NIBAN1: variants seen among roughly 807,000 people sequenced by gnomAD.
The protein encoded by NIBAN1 is niban apoptosis regulator 1, also known as protein Niban 1.
NIBAN1 carries 81 observed loss-of-function variants against 75.1 expected under a neutral mutation model. The observed-to-expected ratio is 1.08, with a 90% CI of 0.90 to 1.30. The LOEUF is 1.30. Ranked by LOEUF, NIBAN1 falls within the 50% of genes most tolerant of loss-of-function variation. The pLI is 0.00. For missense variants in NIBAN1, 1,133 were observed against 1,128.1 expected, an observed-to-expected ratio of 1.00 and a Z score of -0.06; for synonymous variants, 436 against 424.8, an observed-to-expected ratio of 1.03 and a Z score of -0.32.
rs78653512 is a variant in NIBAN1, at chr1:184,820,683, A to T, written c.986-1858T>A. Among the ~76,000 whole-genome samples, 1,173 of 152,358 alleles carry T rather than the reference A, an allele frequency of 7.7e-3. 12 individuals are homozygous for T. Among genetic ancestry groups the T allele is most frequent in the East Asian group, 0.032 (167 of 5,186 alleles). ...TAAGCCTTACTGAAGTGAAGGAAGG[A>T]GCTGAACAGAGCGATGATGCCTGAA... On this transcript the variant is annotated intron_variant, in intron 8 of 13. Coordinates refer to ENST00000367511, the MANE Select transcript of NIBAN1 (RefSeq NM_052966.4).
At position 184,960,606 on chromosome 1, in the gene NIBAN1, CCAA is replaced by C. The variant is rs1371253706; in HGVS notation, c.55+13693_55+13695del. Among the ~76,000 whole-genome samples the C allele has an allele frequency of 4.1e-5, 6 of 146,326 alleles. 1 individual carries two copies. The highest frequency in any genetic ancestry group is 8.9e-5 in the Non-Finnish European group (6 of 67,182). On this transcript the variant is annotated intron_variant, in intron 1 of 13. Coordinates refer to ENST00000367511, the MANE Select transcript of NIBAN1 (RefSeq NM_052966.4). The stretch of plus-strand genomic sequence containing the variant: ...TTCTAGTGGTGGCAGACAGACAACA[CCAA>C]CAACAACAACAAAATGTTGTTGTTG...
chr1:184,923,921 C>G (rs1657620584), intron 1 of NIBAN1, among the ~76,000 whole-genome samples: 1 of 150,328 alleles, frequency 6.7e-6, no homozygotes, highest in Non-Finnish European at 1.5e-5. Flanking sequence ...GATTTTGTAT[C>G]CTGCAACTTT....
chr1:184,951,855 G>C (rs1311454137), intron 1 of NIBAN1, among the ~76,000 whole-genome samples: 2 of 152,094 alleles, frequency 1.3e-5, no homozygotes, highest in Non-Finnish European at 2.9e-5. Flanking sequence ...CACCTACCTT[G>C]CTGCCCTGTC....
intron 1 of NIBAN1, among the ~76,000 whole-genome samples, chr1:184,968,794 GTTTC>G (rs36197487): frequency 0.74 from 111,514 of 151,182 alleles, 41,870 homozygotes; most frequent in African/African-American, 0.88. Context: ...AGAGATGGAA[GTTTC>G]TTTCTTTCTT....
chr1:184,835,523 C>A (rs1014231338), intron 5 of NIBAN1, among the ~76,000 whole-genome samples: 2 of 152,132 alleles, frequency 1.3e-5, no homozygotes, highest in African/African-American at 4.8e-5. Flanking sequence ...TTTCACTGAG[C>A]AGTGGTTTGT....
chr1:184,934,635 G>A (rs779446732), intron 1 of NIBAN1, among the ~76,000 whole-genome samples: 2 of 152,118 alleles, frequency 1.3e-5, no homozygotes, highest in Admixed American at 6.5e-5. Context: ...AGTGGCTCAC[G>A]CCTGTAATCC....
intron 1 of NIBAN1, among the ~76,000 whole-genome samples, chr1:184,915,729 A>T (rs548730599): frequency 6.6e-6 from 1 of 152,394 alleles, no homozygotes; most frequent in Admixed American, 6.5e-5. Flanking sequence ...GTAACTACAC[A>T]TAAATGTAAT....
intron 6 of NIBAN1, among the ~76,000 whole-genome samples, chr1:184,829,290 A>C (rs958808582): frequency 6.6e-6 from 1 of 151,950 alleles, no homozygotes; most frequent in Non-Finnish European, 1.5e-5. Context: ...TATACCCCAC[A>C]CACATATGTG....
intron 1 of NIBAN1, among the ~76,000 whole-genome samples, chr1:184,917,085 A>G (rs760748924): frequency 2.6e-5 from 4 of 152,212 alleles, no homozygotes; most frequent in Non-Finnish European, 5.9e-5. Flanking sequence ...TCCCAGCAGT[A>G]CAGAAAACAC....
intron 1 of NIBAN1, among the ~76,000 whole-genome samples, chr1:184,941,652 CAA>C (rs1190148311): frequency 4.7e-4 from 34 of 72,182 alleles, no homozygotes; most frequent in Admixed American, 6.5e-4. Context: ...GACCCTGTCT[CAA>C]AAAAAAAAAA....
chr1:184,964,911 C>T (rs1004040451), intron 1 of NIBAN1, among the ~76,000 whole-genome samples: 2 of 152,148 alleles, frequency 1.3e-5, no homozygotes, highest in African/African-American at 4.8e-5. Context: ...GACAGTTCAA[C>T]CCCCAGTGAA....
At chr1:184,906,554 A>G (rs1039899581) in intron 1 of NIBAN1, among the ~76,000 whole-genome samples, 8 of 152,052 alleles carry the variant, frequency 5.3e-5, no homozygotes, top group Non-Finnish European at 1.0e-4. Flanking sequence ...AGCTTGAATC[A>G]GGGAGGCGGA....
At chr1:184,842,736 C>A (rs1385295001) in intron 5 of NIBAN1, among the ~76,000 whole-genome samples, 1 of 149,944 alleles carries the variant, frequency 6.7e-6, no homozygotes, top group African/African-American at 2.5e-5. Flanking sequence ...GCCATTGCAG[C>A]CTGGGCGACA....
At position 184,805,824 on chromosome 1, in the gene NIBAN1, G is replaced by A. The variant is rs901343407; in HGVS notation, c.1446+122C>T. ...CAGCGGACTGACAGTCACTGGACTT[G>A]GGAGAGAAAGGAGTGGGGAAAGATT... is the stretch of plus-strand genomic sequence containing the variant. On this transcript the variant is annotated intron_variant, in intron 11 of 13. Transcript: ENST00000367511. The A allele has an allele frequency of 1.4e-5, 10 of 730,562 alleles. No homozygotes were observed. In the African/African-American group the frequency reaches 1.4e-4, roughly 10 times the overall value. 45.3% of individuals were successfully genotyped at this position (730,562 alleles called of 1,614,324 possible). A position where few individuals can be genotyped will look rare whatever the true frequency, so the allele number is the denominator to read the frequency against.
At chr1:184,884,494 G>A in intron 5 of NIBAN1, 139 bp downstream of exon 5, 1 of 1,120,634 alleles carries the variant, frequency 8.9e-7, no homozygotes, top group Non-Finnish European at 1.2e-6. Context: ...CAAAGTGCTG[G>A]GATTACAGGC....
chr1:184,946,187 T>C (rs1241638663), intron 1 of NIBAN1, among the ~76,000 whole-genome samples: 1 of 152,228 alleles, frequency 6.6e-6, no homozygotes, highest in African/African-American at 2.4e-5. Context: ...AATGACATCA[T>C]GTTGCTGGAA....
chr1:184,951,875 A>G (rs1015796564), intron 1 of NIBAN1, among the ~76,000 whole-genome samples: 2 of 152,096 alleles, frequency 1.3e-5, no homozygotes, highest in African/African-American at 4.8e-5. Context: ...CTCTGCTCAC[A>G]GTTCCCATTG....
Position 184,795,252 on chromosome 1 carries a change from C to T in NIBAN1, c.2512G>A (p.Ala838Thr), listed in dbSNP as rs1653811145. The T allele has an allele frequency of 4.3e-6, 7 of 1,613,444 alleles. No homozygotes were observed. Among genetic ancestry groups the T allele is most frequent in the African/African-American group, 1.3e-5 (1 of 74,950 alleles). The change falls in exon 14 of 14, where the codon GCC (alanine) becomes ACC (threonine). Residue 838 changes from alanine to threonine, a missense_variant. By Grantham distance (58) the Ala-to-Thr change is moderately conservative. Coordinates refer to ENST00000367511, the MANE Select transcript of NIBAN1 (RefSeq NM_052966.4). ...AAGGTGCAGCCCTCTTGCTGTGAGGCATCCCCTTCCTCGGTACACTTGCCC... is the reference window on the plus strand; with the variant it reads ...AAGGTGCAGCCCTCTTGCTGTGAGGTATCCCCTTCCTCGGTACACTTGCCC... ...RGGKCTEEGD[A>T]SQQEGCTLGS...
intron 8 of NIBAN1, chr1:184,821,415 T>C (rs1654696532): frequency 6.6e-6 from 1 of 152,230 alleles, no homozygotes; most frequent in Non-Finnish European, 1.5e-5. Context: ...TCATTTTATT[T>C]ATTTTTCATT....
Sources: gnomAD v4.1 joint callset for allele counts (sites outside exome capture counted in the v4.1 genomes callset) on GRCh38, gnomAD v4.1.1 for gene constraint, MANE v1.5 for transcripts, NCBI Gene and HGNC (gene_info 2026-07-23, HGNC 2026-07-21) for gene names.